Variants in TACC2 observed in about 807,000 individuals in gnomAD.
TACC2 encodes the protein transforming acidic coiled-coil containing protein 2, also known as transforming acidic coiled-coil-containing protein 2.
A neutral mutation model predicts 227.3 loss-of-function variants in TACC2; 137 were observed. The ratio of observed to expected loss-of-function variants is 0.60; its 90% CI spans 0.52 to 0.69. The LOEUF (loss-of-function observed/expected upper bound fraction) is 0.69. TACC2 is among the 30% of genes least tolerant of loss of function. TACC2 has a pLI of 0.00. For missense variants in TACC2, 3,470 were observed against 3,694.4 expected, an observed-to-expected ratio of 0.94 and a Z score of 1.57; for synonymous variants, 1,523 against 1,487.5, an observed-to-expected ratio of 1.02 and a Z score of -0.55.
intron 7 of TACC2, among the ~76,000 whole-genome samples, chr10:122,176,293 T>C (rs2093715820): frequency 6.6e-6 from 1 of 151,686 alleles, no homozygotes; most frequent in Non-Finnish European, 1.5e-5. Flanking sequence ...TTTTAATATA[T>C]GGGTCCTTAT....
At chr10:122,234,317 G>A (rs1269524603) in intron 16 of TACC2, among the ~76,000 whole-genome samples, 1 of 152,246 alleles carries the variant, frequency 6.6e-6, no homozygotes, top group African/African-American at 2.4e-5. Context: ...CAGGTCGCAG[G>A]ACTTCAGTGG....
At chr10:122,134,739 G>T (rs2089209526) in intron 6 of TACC2, among the ~76,000 whole-genome samples, 1 of 152,206 alleles carries the variant, frequency 6.6e-6, no homozygotes, top group African/African-American at 2.4e-5. Context: ...AGGGAGCCGA[G>T]ATCACTCTCA....
chr10:122,158,094 C>A (rs1477258676), intron 7 of TACC2, among the ~76,000 whole-genome samples: 1 of 152,012 alleles, frequency 6.6e-6, no homozygotes, highest in Non-Finnish European at 1.5e-5. Flanking sequence ...AAAAGTGAGT[C>A]TCGACTGGCT....
At chr10:122,217,067 A>C in intron 11 of TACC2, 1 of 718,156 alleles carries the variant, frequency 1.4e-6, no homozygotes, top group Non-Finnish European at 2.2e-6. Context: ...GTGCCCTCTA[A>C]CTCCACCTCA....
In TACC2 at chr10:122,087,935, CTCCA is replaced by C. The variant is rs1412383344; in HGVS notation, c.5436_5439del (p.Pro1813LysfsTer66). ...CACGACCCGAAGCTGCAACATTTGGCTCCAGAAGAGCTCCACACTGACAGGTACT... is the reference window on the plus strand; with the variant it reads ...CACGACCCGAAGCTGCAACATTTGGCGAAGAGCTCCACACTGACAGGTACT... On this transcript the variant is annotated frameshift_variant, in exon 4 of 23. Transcript: ENST00000369005. LOFTEE classifies it high-confidence loss of function. The C allele has an allele frequency of 4.6e-6, 7 of 1,511,190 alleles. No individual in the cohort carries two copies. Among genetic ancestry groups the C allele is most frequent in the Admixed American group, 4.6e-5 (2 of 43,654 alleles). The allele number at this position is 1,511,190 out of a possible 1,614,324, so 93.6% of individuals were successfully genotyped here.
intron 3 of TACC2, among the ~76,000 whole-genome samples, chr10:122,074,112 G>A (rs147110761): frequency 0.013 from 1,652 of 131,954 alleles, 28 homozygotes; most frequent in African/African-American, 0.045. Context: ...ACGGAGTATC[G>A]CTCTGTTGCA....
chr10:122,092,103 T>C (rs188355681), intron 5 of TACC2, among the ~76,000 whole-genome samples: 1 of 152,346 alleles, frequency 6.6e-6, no homozygotes, highest in East Asian at 1.9e-4. Context: ...CCTGCACGAT[T>C]ATATCTCTCT....
intron 5 of TACC2, among the ~76,000 whole-genome samples, chr10:122,116,567 C>A (rs1241408186): frequency 1.3e-5 from 2 of 152,154 alleles, no homozygotes; most frequent in Non-Finnish European, 2.9e-5. Context: ...TTATCCCTGC[C>A]CACCTGGCTC....
intron 7 of TACC2, among the ~76,000 whole-genome samples, chr10:122,149,566 C>G (rs2091810900): frequency 6.6e-6 from 1 of 150,948 alleles, no homozygotes; most frequent in South Asian, 2.2e-4. Flanking sequence ...CTCCAAGACT[C>G]CAGAGTTTTT....
At chr10:122,240,799 G>A (rs896321932) in intron 18 of TACC2, among the ~76,000 whole-genome samples, 3 of 152,192 alleles carry the variant, frequency 2.0e-5, no homozygotes, top group Non-Finnish European at 2.9e-5. Context: ...TCTTCCAGCA[G>A]ATTGGCTTTG....
intron 3 of TACC2, among the ~76,000 whole-genome samples, chr10:122,054,288 ACCATC>A (rs2076007858): frequency 6.6e-6 from 1 of 152,178 alleles, no homozygotes. Context: ...CTCCCTGATG[ACCATC>A]CCTGCACAGG....
In TACC2 at chr10:122,213,354, T is replaced by C. The variant is rs773893094; in HGVS notation, c.7283+1646T>C. 2.0e-5 allele frequency: 33 copies of C among 1,612,124 alleles called. 2 individuals carry two copies. In the South Asian group the frequency reaches 3.6e-4, roughly 18 times the overall value. The stretch of plus-strand genomic sequence containing the variant: ...CTTCTTGTCTTAGGATGGTTGAAGA[T>C]GTGATGTCTGTGTGTTCTCTGTTGT... On this transcript the variant is annotated intron_variant, in intron 9 of 22. Coordinates refer to ENST00000369005, the MANE Select transcript of TACC2 (RefSeq NM_206862.4).
chr10:122,210,288 G>T lies in TACC2; in HGVS notation c.5972-109G>T. On this transcript the variant is annotated intron_variant, in intron 8 of 22. Coordinates refer to ENST00000369005, the MANE Select transcript of TACC2 (RefSeq NM_206862.4). The surrounding 1 kb of genome is among the most constrained non-coding windows in gnomAD (Gnocchi z 4.6). ...ACAGTGATGGGCGGGGTGGCCTGGG[G>T]CCGTGGTTTGTCAACCCCTACGCTG... 4 of 850,374 alleles carry T rather than the reference G, an allele frequency of 4.7e-6. No individual in the cohort carries two copies. The highest frequency in any genetic ancestry group is 7.8e-6 in the Non-Finnish European group (4 of 515,798). 52.7% of individuals were successfully genotyped at this position (850,374 alleles called of 1,614,324 possible). A position where few individuals can be genotyped will look rare whatever the true frequency, so the allele number is the denominator to read the frequency against.
intron 3 of TACC2, 25 bp from the exon 4 acceptor site, chr10:122,082,622 C>A: frequency 6.3e-7 from 1 of 1,584,644 alleles, no homozygotes; most frequent in South Asian, 1.2e-5. Context: ...TCCATGATAA[C>A]CAATGAAACA....
intron 8 of TACC2, among the ~76,000 whole-genome samples, chr10:122,200,677 C>T (rs1274897166): frequency 6.8e-6 from 1 of 147,754 alleles, no homozygotes. Context: ...ATGGCCACCT[C>T]ACCTGCCCAC....
chr10:122,242,151 G>T, intron 19 of TACC2, 150 bp downstream of exon 19: 1 of 749,562 alleles, frequency 1.3e-6, no homozygotes, highest in Non-Finnish European at 2.3e-6. Context: ...ATATGGCTTT[G>T]CCCCAGGACA....
chr10:122,251,452 TGA>T (rs1163749355), intron 22 of TACC2, among the ~76,000 whole-genome samples: 1 of 152,214 alleles, frequency 6.6e-6, no homozygotes, highest in African/African-American at 2.4e-5. Flanking sequence ...GTTTTAGTGT[TGA>T]GTGTGCATTT....
chr10:122,118,471 C>A (rs1353760660), intron 5 of TACC2, among the ~76,000 whole-genome samples: 1 of 152,228 alleles, frequency 6.6e-6, no homozygotes. Flanking sequence ...TTGCTCTCTG[C>A]ATCCTCAGTA....
At chr10:122,195,674 A>G (rs1441849104) in intron 8 of TACC2, among the ~76,000 whole-genome samples, 1 of 152,144 alleles carries the variant, frequency 6.6e-6, no homozygotes, top group African/African-American at 2.4e-5. Context: ...TTTCTCCCTT[A>G]GTGTGAGTGA....
Sources: allele counts gnomAD v4.1 joint callset (sites outside exome capture counted in the v4.1 genomes callset), GRCh38; gene constraint gnomAD v4.1.1; non-coding constraint Gnocchi (gnomAD v3.1); transcripts MANE v1.5; gene names NCBI Gene and HGNC (gene_info 2026-07-23, HGNC 2026-07-21).